The following SDAD1 variants were observed in gnomAD, a reference collection of about 807,000 sequenced individuals.
SDAD1 encodes the protein protein SDA1 homolog.
Under a neutral mutation model 100.3 loss-of-function variants are expected in SDAD1, and 79 were observed. That is an observed-to-expected ratio of 0.79 (90% CI 0.66 to 0.95). SDAD1 has a LOEUF of 0.95. Among genes scored for constraint, SDAD1 ranks in the 40% least tolerant of loss-of-function variants. The pLI, the probability that SDAD1 is intolerant of heterozygous loss-of-function variation, is 0.00. For missense variants in SDAD1, 790 were observed against 810.9 expected, an observed-to-expected ratio of 0.97 and a Z score of 0.31; for synonymous variants, 267 against 271.4, an observed-to-expected ratio of 0.98 and a Z score of 0.16.
intron 2 of SDAD1, among the ~76,000 whole-genome samples, 192 bp downstream of exon 2, chr4:75,981,741 G>GTTA (rs1730531215): frequency 6.6e-6 from 1 of 152,160 alleles, no homozygotes; most frequent in Non-Finnish European, 1.5e-5. Context: ...GTCCTGGTTA[G>GTTA]TTATGCAAAA....
chr4:75,977,616 A>G lies in SDAD1; in HGVS notation c.405+30T>C, dbSNP rs1385573327. Reference sequence around the variant, plus strand: ...AAAATTTTATGTCGCCTCAAGGAAGATGCAGGGAAATATTTGTTTTGCCCT... The same window carrying G: ...AAAATTTTATGTCGCCTCAAGGAAGGTGCAGGGAAATATTTGTTTTGCCCT... On this transcript the variant is annotated intron_variant, in intron 4 of 21. Coordinates refer to ENST00000356260, the MANE Select transcript of SDAD1 (RefSeq NM_018115.4). 2.3e-6 allele frequency: 3 copies of G among 1,314,990 alleles called. No individual in the cohort carries two copies. The Admixed American group carries it at 5.1e-5, about 22-fold the overall frequency. The allele number at this position is 1,314,990 out of a possible 1,614,324, so 81.5% of individuals were successfully genotyped here.
intron 7 of SDAD1, 103 bp downstream of exon 7, chr4:75,973,973 G>A: frequency 1.1e-6 from 1 of 877,624 alleles, no homozygotes; most frequent in South Asian, 1.4e-5. Flanking sequence ...TGCATGCCTG[G>A]TGTGCAGGCA....
In SDAD1 at chr4:75,966,312, A is replaced by ACACACACACACT. The variant is rs1383701973; in HGVS notation, c.1046-491_1046-490insAGTGTGTGTGTG. On this transcript the variant is annotated intron_variant, in intron 12 of 21. Transcript: ENST00000356260. ...CACACACACACACACACACACACACACTGTCTCTTTTCAAAGGGGCAGCAT... is the reference window on the plus strand; with the variant it reads ...CACACACACACACACACACACACACACACACACACACTCTGTCTCTTTTCAAAGGGGCAGCAT... 1.5e-4 allele frequency among the ~76,000 whole-genome samples: 21 copies of ACACACACACACT among 136,028 alleles called. 1 individual carries two copies. The highest frequency in any genetic ancestry group is 3.7e-4 in the Admixed American group (5 of 13,362). 89.2% of individuals were successfully genotyped at this position (136,028 alleles called of 152,430 possible).
chr4:75,973,364 GAA>G lies in SDAD1; in HGVS notation c.662_663del (p.Phe221SerfsTer5), dbSNP rs1729973656. On this transcript the variant is annotated frameshift_variant, in exon 8 of 22. Coordinates refer to ENST00000356260, the MANE Select transcript of SDAD1 (RefSeq NM_018115.4). LOFTEE classifies it high-confidence loss of function. ...TKILVAALTF[F>X]LGKDEDEKQD... ...TGTTTTTCATCTTCATCTTTCCCAA[GAA>G]AGAATGTCAAAGCGGCAACTAATAT... 6.2e-7 allele frequency: 1 copy of G among 1,613,496 alleles called. No individual in the cohort carries two copies. Among genetic ancestry groups the G allele is most frequent in the South Asian group, 1.1e-5 (1 of 91,074 alleles).
rs1473442479 is a variant in SDAD1, at chr4:75,957,540, T to C, written c.1747A>G (p.Ile583Val). 1.2e-6 allele frequency: 2 copies of C among 1,614,094 alleles called. No homozygotes were observed. The highest frequency in any genetic ancestry group is 1.7e-6 in the Non-Finnish European group (2 of 1,180,054). Residue 583 changes from isoleucine (I) to valine (V), a missense_variant, in exon 19 of 22, where the codon ATA becomes GTA. Transcript: ENST00000356260. ...GKSQKRKYIE[I>V]DSDEEPRGEL... Reference sequence around the variant, plus strand: ...TACCTGGGCTCTTCATCACTGTCTATTTCAATGTATTTCCTCTTCTGGGAT... The same window carrying C: ...TACCTGGGCTCTTCATCACTGTCTACTTCAATGTATTTCCTCTTCTGGGAT...
chr4:75,973,198 A>G (rs573266958), intron 8 of SDAD1, 119 bp downstream of exon 8: 87 of 740,050 alleles, frequency 1.2e-4, no homozygotes, highest in African/African-American at 1.1e-3. Context: ...GCAGAATTCA[A>G]TAACAGGGCA....
intron 17 of SDAD1, 120 bp downstream of exon 17, chr4:75,959,946 C>G: frequency 9.4e-7 from 1 of 1,064,728 alleles, no homozygotes. Context: ...CAGTGCGTGG[C>G]ACATAGTCAT....
chr4:75,971,216 AT>A (rs1423678126), intron 9 of SDAD1, 140 bp downstream of exon 9: 1 of 610,006 alleles, frequency 1.6e-6, no homozygotes, highest in Non-Finnish European at 2.9e-6. Flanking sequence ...CATCTAAAAT[AT>A]TAGTGCTTAA....
In SDAD1 at chr4:75,990,914, C is replaced by T; in HGVS notation, c.-73G>A. 1 of 1,579,310 alleles carries T rather than the reference C, an allele frequency of 6.3e-7. No individual in the cohort carries two copies. Among genetic ancestry groups the T allele is most frequent in the East Asian group, 2.2e-5 (1 of 44,634 alleles). ...ACGGCCGGCACCCCGCAATCCCTGC[C>T]AGCTGCAGCTTGGACTCGTGTTTCC... On this transcript the variant is annotated 5_prime_UTR_variant, in exon 1 of 22. Coordinates refer to ENST00000356260, the MANE Select transcript of SDAD1 (RefSeq NM_018115.4).
At chr4:75,982,116 T>A (rs546575023) in intron 1 of SDAD1, 79 bp from the exon 2 acceptor site, 1 of 778,590 alleles carries the variant, frequency 1.3e-6, no homozygotes, top group South Asian at 1.9e-5. Context: ...GAGAAATTCT[T>A]AGTAGAAACT....
intron 11 of SDAD1, among the ~76,000 whole-genome samples, chr4:75,967,656 T>C (rs1298926205): frequency 2.6e-5 from 4 of 152,230 alleles, no homozygotes; most frequent in Non-Finnish European, 5.9e-5. Context: ...AACTTTTTAG[T>C]GTTCTAAGGA....
In SDAD1 at chr4:75,956,006, G is replaced by T; in HGVS notation, c.1985C>A (p.Ser662Ter). ...MMMRYSQNVRSKNKRSFREKQ... is the reference protein window; with the variant it reads ...MMMRYSQNVR The stretch of plus-strand genomic sequence containing the variant: ...TTCTCGGAAGGAACGCTTATTTTTT[G>T]ACCGGACATTCTGGCTATACCGCAT... The change falls in exon 21 of 22, where the codon TCA becomes TAA. Residue 662 changes from serine (S) to a stop codon, truncating the protein, a stop_gained. Transcript: ENST00000356260. LOFTEE classifies it high-confidence loss of function. 6.3e-7 allele frequency: 1 copy of T among 1,599,172 alleles called. No individual in the cohort carries two copies. Among genetic ancestry groups the T allele is most frequent in the South Asian group, 1.1e-5 (1 of 87,346 alleles).
rs1016226464 is a variant in SDAD1 at position 75,950,211 on chromosome 4, G to A, written c.*539C>T. On this transcript the variant is annotated 3_prime_UTR_variant, in exon 22 of 22. Coordinates refer to ENST00000356260, the MANE Select transcript of SDAD1 (RefSeq NM_018115.4). ...ATGTACCCAAAATCTGTACAGCAGG[G>A]GCCTGTTTTCAGCAGGAAAGCCTAT... The A allele has an allele frequency of 6.6e-6, 1 of 152,232 alleles. No homozygotes were observed. Among genetic ancestry groups the A allele is most frequent in the Non-Finnish European group, 1.5e-5 (1 of 67,982 alleles). 9.4% of individuals were successfully genotyped at this position (152,232 alleles called of 1,614,324 possible). A position where few individuals can be genotyped will look rare whatever the true frequency, so the allele number is the denominator to read the frequency against.
At chr4:75,955,732 G>A (rs1227170302) in intron 21 of SDAD1, among the ~76,000 whole-genome samples, 1 of 152,034 alleles carries the variant, frequency 6.6e-6, no homozygotes, top group Admixed American at 6.6e-5. Flanking sequence ...TTCCCCTCTG[G>A]TCCCACAGCT....
At chr4:75,959,471 G>A (rs2149311105) in intron 17 of SDAD1, among the ~76,000 whole-genome samples, 1 of 152,222 alleles carries the variant, frequency 6.6e-6, no homozygotes, top group South Asian at 2.1e-4. Flanking sequence ...AGGCATGGCT[G>A]CACACGCCTG....
chr4:75,982,542 A>G (rs1730597647), intron 1 of SDAD1, among the ~76,000 whole-genome samples: 1 of 151,914 alleles, frequency 6.6e-6, no homozygotes, highest in African/African-American at 2.4e-5. Context: ...CAGCTACTCA[A>G]CAGGCTGAAA....
chr4:75,986,837 C>T (rs893212639), intron 1 of SDAD1, among the ~76,000 whole-genome samples: 3 of 152,118 alleles, frequency 2.0e-5, no homozygotes, highest in African/African-American at 7.2e-5. Context: ...CCAGCCTGGG[C>T]AACTAGCAAG....
intron 21 of SDAD1, among the ~76,000 whole-genome samples, chr4:75,954,215 A>C (rs1224655705): frequency 1.3e-5 from 2 of 152,038 alleles, no homozygotes; most frequent in Non-Finnish European, 2.9e-5. Flanking sequence ...CTCCGTCTCT[A>C]CTAAAAATAC....
At chr4:75,962,742 G>C (rs1422565957) in intron 14 of SDAD1, among the ~76,000 whole-genome samples, 1 of 151,736 alleles carries the variant, frequency 6.6e-6, no homozygotes, top group African/African-American at 2.4e-5. Flanking sequence ...TTGTTGATGG[G>C]GTTTTTTTCT....
Sources: allele counts gnomAD v4.1 joint callset (sites outside exome capture counted in the v4.1 genomes callset), GRCh38; gene constraint gnomAD v4.1.1; transcripts MANE v1.5; gene names NCBI Gene and HGNC (gene_info 2026-07-23, HGNC 2026-07-21).